USP13: variants seen among roughly 807,000 people sequenced by gnomAD.
USP13 encodes ubiquitin specific peptidase 13, also known as ubiquitin carboxyl-terminal hydrolase 13.
A neutral mutation model predicts 107.8 loss-of-function variants in USP13; 68 were observed. The observed-to-expected ratio is 0.63, with a 90% CI of 0.52 to 0.77. The LOEUF (loss-of-function observed/expected upper bound fraction) is 0.77. USP13 is among the 30% of genes least tolerant of loss of function. USP13 has a pLI of 0.00. For synonymous variants in USP13, 377 were observed against 389.5 expected, an observed-to-expected ratio of 0.97 and a Z score of 0.38; for missense variants, 945 against 1,093.3, an observed-to-expected ratio of 0.86 and a Z score of 1.91.
At chr3:179,758,088 TA>T (rs1714868809) in intron 16 of USP13, among the ~76,000 whole-genome samples, 1 of 152,144 alleles carries the variant, frequency 6.6e-6, no homozygotes, top group South Asian at 2.1e-4. Flanking sequence ...CTACTTTTTA[TA>T]AAAAAGGTCC....
intron 1 of USP13, among the ~76,000 whole-genome samples, chr3:179,670,206 T>G (rs2108442581): frequency 6.6e-6 from 1 of 152,252 alleles, no homozygotes; most frequent in South Asian, 2.1e-4. Flanking sequence ...CTGTCCCCCA[T>G]CTGTATAAAG....
intron 19 of USP13, among the ~76,000 whole-genome samples, chr3:179,774,601 A>G (rs922294212): frequency 6.6e-6 from 1 of 151,922 alleles, no homozygotes; most frequent in African/African-American, 2.4e-5. Flanking sequence ...GAAGCTGCAG[A>G]CCTTTGCAGT....
chr3:179,731,042 G>A (rs1015349184), intron 10 of USP13, among the ~76,000 whole-genome samples: 3 of 152,110 alleles, frequency 2.0e-5, no homozygotes, highest in Admixed American at 6.5e-5. Flanking sequence ...ACACAGTCTC[G>A]GCACTTACAG....
chr3:179,728,148 C>G (rs1239098832), intron 8 of USP13, among the ~76,000 whole-genome samples: 1 of 129,788 alleles, frequency 7.7e-6, no homozygotes, highest in Non-Finnish European at 1.7e-5. Flanking sequence ...TAGGGGCGGC[C>G]GGGCAGAGGC....
intron 6 of USP13, among the ~76,000 whole-genome samples, chr3:179,717,128 G>C (rs1000778498): frequency 1.3e-5 from 2 of 152,126 alleles, no homozygotes; most frequent in African/African-American, 4.8e-5. Context: ...GATAATACTT[G>C]TCAAAAGTTG....
chr3:179,749,986 C>T (rs1414315690), intron 13 of USP13, among the ~76,000 whole-genome samples: 4 of 152,004 alleles, frequency 2.6e-5, no homozygotes, highest in African/African-American at 9.7e-5. Context: ...ATATCATGGC[C>T]GGGTGCCGTG....
In USP13 at chr3:179,653,474, G is replaced by A. The variant is rs1005800601; in HGVS notation, c.168+81G>A. ...GCCGGGGGAGAAGATGCGCAGTGGC[G>A]GCCGGGACCTCTTCTCTTCCTCCGG... On this transcript the variant is annotated intron_variant, in intron 1 of 20. Transcript: ENST00000263966. This position sits in a 1 kb window ranked among gnomAD's most constrained non-coding sequence, Gnocchi z 4.0. 2.3e-5 allele frequency: 34 copies of A among 1,494,596 alleles called. No individual in the cohort carries two copies. Among genetic ancestry groups the A allele is most frequent in the Non-Finnish European group, 3.0e-5 (33 of 1,114,490 alleles). 92.6% of individuals were successfully genotyped at this position (1,494,596 alleles called of 1,614,324 possible). A position where few individuals can be genotyped will look rare whatever the true frequency, so the allele number is the denominator to read the frequency against.
chr3:179,662,219 G>A (rs968157736), intron 1 of USP13, among the ~76,000 whole-genome samples: 8 of 152,120 alleles, frequency 5.3e-5, no homozygotes, highest in Non-Finnish European at 8.8e-5. Context: ...CTTCCCCAGC[G>A]CTGAAACCTT....
At chr3:179,743,653 C>T (rs1482357613) in intron 12 of USP13, among the ~76,000 whole-genome samples, 1 of 152,094 alleles carries the variant, frequency 6.6e-6, no homozygotes, top group Non-Finnish European at 1.5e-5. Context: ...CTCTTGTCCG[C>T]CTCAGGGTTA....
chr3:179,689,989 C>T (rs1052110974), intron 2 of USP13, among the ~76,000 whole-genome samples: 1 of 152,152 alleles, frequency 6.6e-6, no homozygotes, highest in African/African-American at 2.4e-5. Flanking sequence ...TCACCTTGAT[C>T]CCTGGTTTCC....
intron 19 of USP13, 61 bp downstream of exon 19, chr3:179,765,909 T>G: frequency 6.5e-7 from 1 of 1,541,454 alleles, no homozygotes; most frequent in Non-Finnish European, 8.8e-7. Flanking sequence ...CTCATGCCCT[T>G]CCCTCCCACC....
At chr3:179,690,112 T>C in intron 2 of USP13, 129 bp from the exon 3 acceptor site, 1 of 804,604 alleles carries the variant, frequency 1.2e-6, no homozygotes, top group South Asian at 2.1e-5. Context: ...TATCCTGGAA[T>C]TGCTAATCTA....
intron 16 of USP13, among the ~76,000 whole-genome samples, chr3:179,758,572 C>T (rs1375587044): frequency 6.6e-6 from 1 of 151,514 alleles, no homozygotes; most frequent in Non-Finnish European, 1.5e-5. Context: ...GATCTCGGCT[C>T]ACTGCAAGCT....
intron 1 of USP13, among the ~76,000 whole-genome samples, chr3:179,672,833 A>G (rs533106951): frequency 2.6e-5 from 4 of 152,340 alleles, no homozygotes; most frequent in Admixed American, 1.3e-4. Context: ...AAAGTCTTGC[A>G]TCTTGGTCAA....
intron 10 of USP13, among the ~76,000 whole-genome samples, chr3:179,736,477 TAGATGAGTTTGAGCTA>T (rs1213446438): frequency 6.6e-5 from 10 of 152,208 alleles, no homozygotes; most frequent in African/African-American, 2.4e-4. Flanking sequence ...AAGCTTGAAG[TAGATGAGTTTGAGCTA>T]AGATGCTCTA....
intron 8 of USP13, among the ~76,000 whole-genome samples, chr3:179,727,754 G>A (rs1196684133): frequency 1.1e-5 from 1 of 91,140 alleles, no homozygotes; most frequent in African/African-American, 3.8e-5. Context: ...GGGCAGAGGC[G>A]CCCCTCACCT....
chr3:179,741,526 T>C (rs2108512691), intron 11 of USP13, among the ~76,000 whole-genome samples: 1 of 152,258 alleles, frequency 6.6e-6, no homozygotes, highest in East Asian at 1.9e-4. Context: ...GGCTAATTTT[T>C]TTGTATTTTT....
chr3:179,682,093 C>A, intron 2 of USP13, 90 bp downstream of exon 2: 2 of 1,471,258 alleles, frequency 1.4e-6, no homozygotes. Flanking sequence ...TTGACCATGC[C>A]CACATAACTT....
At chr3:179,673,985 C>T (rs1389982986) in intron 1 of USP13, among the ~76,000 whole-genome samples, 5 of 152,170 alleles carry the variant, frequency 3.3e-5, no homozygotes, top group South Asian at 2.1e-4. Flanking sequence ...CTCCGCCTTT[C>T]GGGTTCAAAC....
Sources: gnomAD v4.1 joint callset for allele counts (sites outside exome capture counted in the v4.1 genomes callset) on GRCh38, gnomAD v4.1.1 for gene constraint, Gnocchi (gnomAD v3.1) non-coding constraint, MANE v1.5 for transcripts, NCBI Gene and HGNC (gene_info 2026-07-23, HGNC 2026-07-21) for gene names.